The following EFCAB6 variants were observed in gnomAD, a reference collection of about 807,000 sequenced individuals.
EFCAB6 encodes the protein EF-hand calcium-binding domain-containing protein 6.
In EFCAB6, 156 loss-of-function variants were observed where a neutral mutation model predicts 169.8. That is an observed-to-expected ratio of 0.92 (90% CI 0.81 to 1.05). EFCAB6 has a LOEUF of 1.05. EFCAB6 is among the 50% of genes least tolerant of loss of function. The probability of loss-of-function intolerance (pLI) is 0.00; values close to 1 mark genes in which losing one functional copy is unlikely to be tolerated. For missense variants in EFCAB6, 1,800 were observed against 1,829.1 expected (o/e 0.98, Z 0.29); for synonymous variants, 698 against 676.4 (o/e 1.03, Z -0.50).
At position 43,576,388 on chromosome 22, in the gene EFCAB6, T is replaced by C. The variant is rs751892707; in HGVS notation, c.3329A>G (p.Tyr1110Cys). The change falls in exon 26 of 32, where the codon TAT (tyrosine) becomes TGT (cysteine). Residue 1110 changes from tyrosine to cysteine, a missense_variant. Transcript: ENST00000262726. The part of the protein sequence containing the change: ...DFCYKLTDNQ[Y>C]HYFLRKLRIH... Reference sequence around the variant, plus strand: ...TCTTAGTTTCCTCAAAAAATAATGATACTGATTGTCCGTTAGTTTGTAACA... The same window carrying C: ...TCTTAGTTTCCTCAAAAAATAATGACACTGATTGTCCGTTAGTTTGTAACA... 7.5e-6 allele frequency: 12 copies of C among 1,603,752 alleles called. No individual in the cohort carries two copies. Among genetic ancestry groups the C allele is most frequent in the Admixed American group, 3.5e-5 (2 of 57,244 alleles).
rs138239785 is a variant in EFCAB6 at position 43,678,141 on chromosome 22, C to A, written c.1274G>T (p.Arg425Ile). The A allele has an allele frequency of 9.6e-5, 153 of 1,598,088 alleles. No individual in the cohort carries two copies. The African/African-American group carries it at 2.0e-3, about 20-fold the overall frequency. The part of the protein sequence containing the change: ...INTKPDGPIT[R>I]EEFRYILNCM... The stretch of plus-strand genomic sequence containing the variant: ...ATTTAGAATATATCGAAATTCTTCT[C>A]TTGTTATCGGTCCATCGGGTTTCTG... Residue 425 changes from arginine to isoleucine, a missense_variant, in exon 13 of 32, where the codon AGA (arginine) becomes ATA (isoleucine). Arg to Ile is a moderately conservative substitution (Grantham distance 97). Transcript: ENST00000262726.
intron 3 of EFCAB6, among the ~76,000 whole-genome samples, chr22:43,773,535 C>T (rs1163233897): frequency 2.0e-5 from 3 of 152,164 alleles, no homozygotes; most frequent in African/African-American, 2.4e-5. Context: ...AAGAGATGGA[C>T]GCTAAAATGC....
chr22:43,633,408 T>C (rs770539338), intron 18 of EFCAB6, among the ~76,000 whole-genome samples: 2 of 152,046 alleles, frequency 1.3e-5, no homozygotes, highest in African/African-American at 4.8e-5. Context: ...ATTAGCTGGG[T>C]GTGGTGGTGC....
intron 24 of EFCAB6, 94 bp downstream of exon 24, chr22:43,589,980 G>T: frequency 1.4e-6 from 2 of 1,480,758 alleles, no homozygotes; most frequent in Non-Finnish European, 1.8e-6. Flanking sequence ...CATCTCAGAA[G>T]GCTGTTTGGG....
intron 6 of EFCAB6, among the ~76,000 whole-genome samples, chr22:43,737,788 C>A (rs1048892253): frequency 6.6e-5 from 10 of 150,928 alleles, no homozygotes; most frequent in Non-Finnish European, 1.5e-4. Flanking sequence ...CATATTCATA[C>A]ACACACACAC....
At chr22:43,771,834 T>C (rs1409248814) in intron 4 of EFCAB6, among the ~76,000 whole-genome samples, 1 of 152,154 alleles carries the variant, frequency 6.6e-6, no homozygotes, top group Non-Finnish European at 1.5e-5. Context: ...ACGAAGTACT[T>C]TTCTGAATTG....
intron 17 of EFCAB6, among the ~76,000 whole-genome samples, chr22:43,646,555 C>T (rs2056169515): frequency 6.6e-6 from 1 of 151,998 alleles, no homozygotes; most frequent in African/African-American, 2.4e-5. Context: ...GATGTAGACC[C>T]TAGCATAATG....
chr22:43,709,788 G>T (rs2059091995), intron 10 of EFCAB6, among the ~76,000 whole-genome samples: 1 of 152,152 alleles, frequency 6.6e-6, no homozygotes, highest in Non-Finnish European at 1.5e-5. Flanking sequence ...CCTGAAAAAT[G>T]TCACCATGTG....
intron 3 of EFCAB6, among the ~76,000 whole-genome samples, chr22:43,779,135 T>G (rs1173231244): frequency 6.6e-6 from 1 of 152,124 alleles, no homozygotes; most frequent in African/African-American, 2.4e-5. Flanking sequence ...AATCTAAAAA[T>G]TAAAAATACA....
chr22:43,534,795 T>C lies in EFCAB6; in HGVS notation c.4126A>G (p.Asn1376Asp). ...QLIIKYDLKS[N>D]GKFAYCDFIQ... ...AAGTCACAGTATGCAAATTTCCCGT[T>C]GCTCTTTAAGTCGTATTTTATAATG... The change falls in exon 30 of 32, where the codon AAC becomes GAC. Residue 1376 changes from asparagine to aspartate, a missense_variant. Asn to Asp is a conservative substitution (Grantham distance 23). Coordinates refer to ENST00000262726, the MANE Select transcript of EFCAB6 (RefSeq NM_022785.4). 6.2e-7 allele frequency: 1 copy of C among 1,614,142 alleles called. No individual in the cohort carries two copies. Among genetic ancestry groups the C allele is most frequent in the African/African-American group, 1.3e-5 (1 of 75,056 alleles).
chr22:43,716,404 TTA>T (rs549308432), intron 9 of EFCAB6, among the ~76,000 whole-genome samples: 226 of 152,274 alleles, frequency 1.5e-3, no homozygotes, highest in African/African-American at 5.1e-3. Flanking sequence ...GTCTTAATTA[TTA>T]TGTCTTTATA....
At chr22:43,608,716 T>C (rs2053096776) in intron 21 of EFCAB6, 116 bp from the exon 22 acceptor site, 1 of 891,522 alleles carries the variant, frequency 1.1e-6, no homozygotes. Flanking sequence ...CCCATCCACC[T>C]CCTTAATCAC....
chr22:43,552,932 C>T (rs964422986), intron 27 of EFCAB6: 5 of 152,104 alleles, frequency 3.3e-5, no homozygotes, highest in Admixed American at 6.5e-5. Context: ...AGAGTTTGCT[C>T]GGCTTTGACG....
chr22:43,765,111 T>C (rs766911762), intron 5 of EFCAB6, among the ~76,000 whole-genome samples, 194 bp downstream of exon 5: 13 of 152,220 alleles, frequency 8.5e-5, no homozygotes, highest in Non-Finnish European at 1.6e-4. Flanking sequence ...TTGAAATACA[T>C]CCTATATAGA....
chr22:43,645,800 G>T (rs2056116660), intron 17 of EFCAB6, among the ~76,000 whole-genome samples: 1 of 151,886 alleles, frequency 6.6e-6, no homozygotes, highest in South Asian at 2.1e-4. Context: ...TTCCTCAGAT[G>T]TAAATGATAT....
At chr22:43,716,364 G>A (rs2059332122) in intron 9 of EFCAB6, among the ~76,000 whole-genome samples, 1 of 152,024 alleles carries the variant, frequency 6.6e-6, no homozygotes, top group African/African-American at 2.4e-5. Context: ...AAATCCATTT[G>A]AATGTCCATT....
In EFCAB6 at chr22:43,572,602, C is replaced by T. The variant is rs1395658170; in HGVS notation, c.3420+3695G>A. On this transcript the variant is annotated intron_variant, in intron 26 of 31. Transcript: ENST00000262726. This position sits in a 1 kb window ranked among gnomAD's most constrained non-coding sequence, Gnocchi z 4.0. ...CTGCCCCCAAACCAGTTGGCCCCTT[C>T]CTGTGGATGCCATCGCACTAGCAGT... 6.6e-6 allele frequency among the ~76,000 whole-genome samples: 1 copy of T among 152,212 alleles called. No individual in the cohort carries two copies. Among genetic ancestry groups the T allele is most frequent in the Admixed American group, 6.5e-5 (1 of 15,286 alleles).
intron 17 of EFCAB6, among the ~76,000 whole-genome samples, chr22:43,647,443 C>A (rs1351947098): frequency 6.6e-6 from 1 of 152,212 alleles, no homozygotes; most frequent in Non-Finnish European, 1.5e-5. Context: ...CTGACAGGTT[C>A]TATCCAGGAA....
intron 20 of EFCAB6, among the ~76,000 whole-genome samples, chr22:43,621,517 C>G (rs1383999073): frequency 2.0e-5 from 3 of 152,094 alleles, no homozygotes; most frequent in Admixed American, 6.5e-5. Flanking sequence ...AAAATTAAAA[C>G]TACAACATAT....
Sources: allele counts gnomAD v4.1 joint callset (sites outside exome capture counted in the v4.1 genomes callset), GRCh38; gene constraint gnomAD v4.1.1; non-coding constraint Gnocchi (gnomAD v3.1); transcripts MANE v1.5; gene names NCBI Gene and HGNC (gene_info 2026-07-23, HGNC 2026-07-21).